Variants in SERPINI1 observed in about 807,000 individuals in gnomAD.
SERPINI1 encodes the protein serpin family I member 1.
A neutral mutation model predicts 41.1 loss-of-function variants in SERPINI1; 19 were observed. That is an observed-to-expected ratio of 0.46 (90% CI 0.32 to 0.68). SERPINI1 has a LOEUF of 0.68. SERPINI1 is among the 30% of genes least tolerant of loss of function. The pLI is 0.03. For missense variants in SERPINI1, 460 were observed against 479.2 expected, an observed-to-expected ratio of 0.96 and a Z score of 0.37; for synonymous variants, 138 against 156.6, an observed-to-expected ratio of 0.88 and a Z score of 0.89.
chr3:167,747,338 T>G (rs906915908), intron 1 of SERPINI1, among the ~76,000 whole-genome samples: 27 of 152,156 alleles, frequency 1.8e-4, no homozygotes, highest in Non-Finnish European at 3.5e-4. Context: ...CACAGCTTGA[T>G]GAACTTCTTA....
intron 5 of SERPINI1, among the ~76,000 whole-genome samples, chr3:167,804,039 C>T (rs150875840): frequency 3.7e-3 from 561 of 152,226 alleles, no homozygotes; most frequent in Non-Finnish European, 6.2e-3. Flanking sequence ...ACATTTTAAG[C>T]CATTGAATGT....
At chr3:167,778,565 A>G (rs893549111) in intron 1 of SERPINI1, among the ~76,000 whole-genome samples, 1 of 152,242 alleles carries the variant, frequency 6.6e-6, no homozygotes, top group Non-Finnish European at 1.5e-5. Flanking sequence ...TCTGGGTGGC[A>G]TCAGTTGGTC....
intron 5 of SERPINI1, among the ~76,000 whole-genome samples, chr3:167,802,956 G>T (rs1711504367): frequency 6.6e-6 from 1 of 151,194 alleles, no homozygotes; most frequent in South Asian, 2.1e-4. Flanking sequence ...CATAAAAAAT[G>T]ATGAGTTCAT....
At chr3:167,762,539 T>G (rs1296400522) in intron 1 of SERPINI1, among the ~76,000 whole-genome samples, 1 of 152,166 alleles carries the variant, frequency 6.6e-6, no homozygotes, top group Non-Finnish European at 1.5e-5. Context: ...GCCTCCCCAT[T>G]CCACCTGTAT....
intron 1 of SERPINI1, among the ~76,000 whole-genome samples, chr3:167,762,188 T>C (rs1301072511): frequency 1.3e-5 from 2 of 152,122 alleles, no homozygotes; most frequent in Non-Finnish European, 2.9e-5. Flanking sequence ...TTCTCCTGTT[T>C]CTATAGATAC....
At chr3:167,772,887 TATATATACACACACAC>T (rs1726827730) in intron 1 of SERPINI1, among the ~76,000 whole-genome samples, 2 of 75,694 alleles carry the variant, frequency 2.6e-5, no homozygotes, top group African/African-American at 1.2e-4. Flanking sequence ...TATATATATA[TATATATACACACACAC>T]ACACACACAC....
intron 6 of SERPINI1, among the ~76,000 whole-genome samples, chr3:167,820,409 A>C (rs1397405325): frequency 3.3e-5 from 5 of 152,180 alleles, no homozygotes; most frequent in African/African-American, 1.2e-4. Context: ...TGCACTCTCC[A>C]GGCCCAGGAA....
At chr3:167,785,551 C>T (rs1045897867) in intron 1 of SERPINI1, among the ~76,000 whole-genome samples, 5 of 152,278 alleles carry the variant, frequency 3.3e-5, no homozygotes, top group East Asian at 3.9e-4. Context: ...GGGCAAATTC[C>T]TAACCTCTGT....
chr3:167,817,851 G>A (rs1001924160), intron 6 of SERPINI1, among the ~76,000 whole-genome samples: 14 of 151,500 alleles, frequency 9.2e-5, no homozygotes, highest in Admixed American at 3.3e-4. Flanking sequence ...TGCCCACCTC[G>A]GCCTCCCAAA....
chr3:167,764,253 A>G (rs1352466820), intron 1 of SERPINI1, among the ~76,000 whole-genome samples: 5 of 152,030 alleles, frequency 3.3e-5, no homozygotes, highest in South Asian at 4.1e-4. Context: ...GTATTAGTCT[A>G]TTTTCACGCT....
chr3:167,790,509 A>C lies in SERPINI1; in HGVS notation c.388A>C (p.Lys130Gln), dbSNP rs967193064. 6.8e-6 allele frequency: 11 copies of C among 1,613,942 alleles called. No homozygotes were observed. The highest frequency in any genetic ancestry group is 6.7e-5 in the Admixed American group (4 of 59,980). ...VNEEFLQMMK[K>Q]YFNAAVNHVD... ...TGAGGAGTTTTTGCAAATGATGAAA[A>C]AATATTTTAATGCAGCAGTAAATCA... Residue 130 changes from lysine (K) to glutamine (Q), a missense_variant, in exon 3 of 9, where the codon AAA (lysine) becomes CAA (glutamine). Transcript: ENST00000446050.
rs780982355 is a variant in SERPINI1, at chr3:167,794,602, C to G, written c.677-18C>G. 1 of 1,609,070 alleles carries G rather than the reference C, an allele frequency of 6.2e-7. No individual in the cohort carries two copies. Among genetic ancestry groups the G allele is most frequent in the East Asian group, 2.2e-5 (1 of 44,826 alleles). On this transcript the variant is annotated intron_variant, in intron 4 of 8. Transcript: ENST00000446050. Reference sequence around the variant, plus strand: ...AAGCTTTGATAGGCATCTTTTATGGCCTTTATTTTCTTTTTAGGGGAATTT... The same window carrying G: ...AAGCTTTGATAGGCATCTTTTATGGGCTTTATTTTCTTTTTAGGGGAATTT...
chr3:167,812,988 G>GA (rs1173908082), intron 6 of SERPINI1, among the ~76,000 whole-genome samples: 2 of 152,140 alleles, frequency 1.3e-5, no homozygotes, highest in African/African-American at 4.8e-5. Flanking sequence ...AGGGGAAGGA[G>GA]AAAGAGAGTA....
chr3:167,776,423 G>A (rs540779126), intron 1 of SERPINI1, among the ~76,000 whole-genome samples: 83 of 152,312 alleles, frequency 5.4e-4, no homozygotes, highest in Non-Finnish European at 1.5e-4. Flanking sequence ...GATTGATTTT[G>A]CTTTCCCCAG....
chr3:167,758,989 G>A (rs989302748), intron 1 of SERPINI1, among the ~76,000 whole-genome samples: 6 of 152,112 alleles, frequency 3.9e-5, no homozygotes, highest in Non-Finnish European at 7.4e-5. Context: ...AAGCTTAAGA[G>A]ATACAGATGT....
At chr3:167,808,669 A>T (rs957854168) in intron 6 of SERPINI1, among the ~76,000 whole-genome samples, 5 of 152,176 alleles carry the variant, frequency 3.3e-5, no homozygotes, top group African/African-American at 7.2e-5. Context: ...GCCTATAGAG[A>T]ATCAAGCTGA....
chr3:167,824,299 A>G (rs1481498375), intron 7 of SERPINI1, among the ~76,000 whole-genome samples, 174 bp from the exon 8 acceptor site: 1 of 152,204 alleles, frequency 6.6e-6, no homozygotes, highest in Non-Finnish European at 1.5e-5. Context: ...TTTTAAAAAG[A>G]TCAAGTAGAA....
chr3:167,764,542 T>G (rs1023099721), intron 1 of SERPINI1, among the ~76,000 whole-genome samples: 1 of 152,146 alleles, frequency 6.6e-6, no homozygotes, highest in African/African-American at 2.4e-5. Context: ...CCACAACACA[T>G]GGGAATTCAA....
chr3:167,752,854 C>G (rs556940114), intron 1 of SERPINI1, among the ~76,000 whole-genome samples: 80 of 152,068 alleles, frequency 5.3e-4, no homozygotes, highest in Non-Finnish European at 1.0e-3. Flanking sequence ...CCCTCCTTAA[C>G]TCTTATTTAT....
Sources: allele counts gnomAD v4.1 joint callset (sites outside exome capture counted in the v4.1 genomes callset), GRCh38; gene constraint gnomAD v4.1.1; transcripts MANE v1.5; gene names NCBI Gene and HGNC (gene_info 2026-07-23, HGNC 2026-07-21).